QTMAN: variants seen among roughly 807,000 people sequenced by gnomAD.
QTMAN encodes tRNA-queuosine alpha-mannosyltransferase.
At chr2:143,945,491 T>C in the QTMAN span, 1 of 152,352 alleles carries the variant, frequency 6.6e-6, no homozygotes, top group African/African-American at 2.4e-5. Flanking sequence ...TCTGAACTGC[T>C]TGCTTCGATC....
At chr2:144,210,060 G>C in the QTMAN span, among the ~76,000 whole-genome samples, 1 of 147,550 alleles carries the variant, frequency 6.8e-6, no homozygotes, top group Non-Finnish European at 1.5e-5. Flanking sequence ...TTATGTGGGC[G>C]GGGGGGGGCT....
chr2:144,106,644 C>A, the QTMAN span, among the ~76,000 whole-genome samples: 1 of 152,180 alleles, frequency 6.6e-6, no homozygotes, highest in African/African-American at 2.4e-5. Flanking sequence ...TAGACTCCCA[C>A]ACAATAATAA....
At chr2:144,101,246 C>T in the QTMAN span, among the ~76,000 whole-genome samples, 4 of 152,080 alleles carry the variant, frequency 2.6e-5, no homozygotes, top group Non-Finnish European at 5.9e-5. Flanking sequence ...AAGTTTTATT[C>T]AGGAGTTGCC....
the QTMAN span, among the ~76,000 whole-genome samples, chr2:144,261,603 C>G: frequency 1.3e-5 from 2 of 152,170 alleles, no homozygotes; most frequent in Non-Finnish European, 2.9e-5. Flanking sequence ...GTGATGCAAA[C>G]TGCAGGTATG....
the QTMAN span, among the ~76,000 whole-genome samples, chr2:144,105,558 T>A: frequency 0.061 from 9,267 of 151,746 alleles, 940 homozygotes; most frequent in African/African-American, 0.21. Flanking sequence ...CAGAGAAAAA[T>A]GAATCAAAAG....
At chr2:144,288,179 T>C in the QTMAN span, among the ~76,000 whole-genome samples, 5 of 152,032 alleles carry the variant, frequency 3.3e-5, no homozygotes, top group Non-Finnish European at 7.4e-5. Context: ...GCCAACACAA[T>C]TTATATCCAA....
At chr2:144,038,853 T>C in the QTMAN span, among the ~76,000 whole-genome samples, 109 of 152,306 alleles carry the variant, frequency 7.2e-4, no homozygotes, top group East Asian at 0.021. Flanking sequence ...AAGCATGAAA[T>C]AGTTTATAAT....
chr2:144,319,796 A>T, the QTMAN span: 2 of 152,184 alleles, frequency 1.3e-5, no homozygotes, highest in African/African-American at 4.8e-5. Context: ...AGTTTGTCTC[A>T]TAGCTGAGAG....
chr2:144,315,540 T>C, the QTMAN span, among the ~76,000 whole-genome samples: 1 of 152,222 alleles, frequency 6.6e-6, no homozygotes, highest in Admixed American at 6.5e-5. Flanking sequence ...TCCAGTATTT[T>C]CTCTGTCTCC....
At chr2:144,102,321 C>A in the QTMAN span, among the ~76,000 whole-genome samples, 1 of 152,176 alleles carries the variant, frequency 6.6e-6, no homozygotes, top group East Asian at 1.9e-4. Context: ...CTGCTGATGT[C>A]ATCAAATACT....
the QTMAN span, among the ~76,000 whole-genome samples, chr2:144,054,010 AC>A: frequency 6.6e-6 from 1 of 151,386 alleles, no homozygotes; most frequent in Admixed American, 6.6e-5. Context: ...ACACGGTGAA[AC>A]CCCGTCTCTA....
the QTMAN span, among the ~76,000 whole-genome samples, chr2:144,101,163 C>A: frequency 4.8e-4 from 73 of 152,158 alleles, no homozygotes; most frequent in East Asian, 9.7e-3. Context: ...CCACCGTGCC[C>A]GGCCCATTTA....
At chr2:144,325,734 T>C in the QTMAN span, among the ~76,000 whole-genome samples, 3 of 152,178 alleles carry the variant, frequency 2.0e-5, no homozygotes, top group Non-Finnish European at 2.9e-5. Context: ...TCTACACATA[T>C]ACACACACTC....
At chr2:144,258,527 C>G in the QTMAN span, among the ~76,000 whole-genome samples, 1 of 152,180 alleles carries the variant, frequency 6.6e-6, no homozygotes, top group African/African-American at 2.4e-5. Flanking sequence ...CAACGTCTTT[C>G]AGAGTTGTAA....
the QTMAN span, among the ~76,000 whole-genome samples, chr2:144,117,686 T>G: frequency 2.6e-5 from 4 of 152,302 alleles, no homozygotes; most frequent in African/African-American, 7.2e-5. Context: ...AGTTTTTATT[T>G]GACAGGTTGA....
the QTMAN span, among the ~76,000 whole-genome samples, chr2:144,061,784 T>C: frequency 1.3e-5 from 2 of 151,846 alleles, no homozygotes; most frequent in Non-Finnish European, 2.9e-5. Flanking sequence ...CCTGTGCCCA[T>C]ATAAACCCCA....
the QTMAN span, among the ~76,000 whole-genome samples, chr2:144,185,261 T>G: frequency 6.6e-6 from 1 of 152,170 alleles, no homozygotes; most frequent in African/African-American, 2.4e-5. Flanking sequence ...AGTTAAGCAA[T>G]TTCTCCAAAA....
At chr2:144,132,030 T>C in the QTMAN span, among the ~76,000 whole-genome samples, 1 of 151,866 alleles carries the variant, frequency 6.6e-6, no homozygotes, top group East Asian at 1.9e-4. Context: ...TATCTGAACA[T>C]GCCTGAATAT....
At chr2:143,962,399 G>A in the QTMAN span, among the ~76,000 whole-genome samples, 1 of 152,022 alleles carries the variant, frequency 6.6e-6, no homozygotes, top group African/African-American at 2.4e-5. Context: ...AAGATAACTG[G>A]AATTCATGAG....
Sources: gnomAD v4.1 joint callset for allele counts (sites outside exome capture counted in the v4.1 genomes callset) on GRCh38, gnomAD v4.1.1 for gene constraint, MANE v1.5 for transcripts, NCBI Gene and HGNC (gene_info 2026-07-23, HGNC 2026-07-21) for gene names.